The following PTPRK variants were observed in gnomAD, a reference collection of about 807,000 sequenced individuals.
PTPRK encodes protein tyrosine phosphatase receptor type K, also known as receptor-type tyrosine-protein phosphatase kappa.
In PTPRK, 75 loss-of-function variants were observed where a neutral mutation model predicts 178.0. That is an observed-to-expected ratio of 0.42 (90% CI 0.35 to 0.51). The LOEUF is 0.51. Among genes scored for constraint, PTPRK ranks in the 20% least tolerant of loss-of-function variants. The probability of loss-of-function intolerance (pLI) is 0.02; values close to 1 mark genes in which losing one functional copy is unlikely to be tolerated. For synonymous variants in PTPRK, 637 were observed against 620.6 expected (o/e 1.03, Z -0.39); for missense variants, 1,441 against 1,797.8 (o/e 0.80, Z 3.59).
intron 2 of PTPRK, among the ~76,000 whole-genome samples, chr6:128,360,704 A>C (rs749866413): frequency 2.6e-5 from 4 of 152,162 alleles, no homozygotes; most frequent in Non-Finnish European, 5.9e-5. Flanking sequence ...ATGAGCATCA[A>C]TTAAACTTTT....
At chr6:128,452,257 G>T (rs1207570005) in intron 1 of PTPRK, among the ~76,000 whole-genome samples, 1 of 151,946 alleles carries the variant, frequency 6.6e-6, no homozygotes, top group South Asian at 2.1e-4. Flanking sequence ...GCATATAAAA[G>T]GTCACCCTCC....
At chr6:128,092,530 C>T (rs533777862) in intron 7 of PTPRK, among the ~76,000 whole-genome samples, 1 of 152,104 alleles carries the variant, frequency 6.6e-6, no homozygotes, top group Non-Finnish European at 1.5e-5. Flanking sequence ...TATAGATACA[C>T]ACATATACAT....
At chr6:128,480,120 T>C (rs537207078) in intron 1 of PTPRK, among the ~76,000 whole-genome samples, 2 of 152,300 alleles carry the variant, frequency 1.3e-5, no homozygotes, top group African/African-American at 2.4e-5. Flanking sequence ...AATGTTCTTT[T>C]TTCTGATTCC....
At chr6:128,489,494 C>A (rs1391858490) in intron 1 of PTPRK, among the ~76,000 whole-genome samples, 2 of 152,144 alleles carry the variant, frequency 1.3e-5, no homozygotes, top group East Asian at 1.9e-4. Context: ...ATCATGATAA[C>A]TAAAGTGATA....
At position 128,459,020 on chromosome 6, in the gene PTPRK, A is replaced by T. The variant is rs943698618; in HGVS notation, c.100+61239T>A. Among the ~76,000 whole-genome samples the T allele has an allele frequency of 7.2e-5, 11 of 152,276 alleles. No homozygotes were observed. The South Asian group carries it at 2.3e-3, about 32-fold the overall frequency. On this transcript the variant is annotated intron_variant, in intron 1 of 29. Transcript: ENST00000368226. ...TAAAAAGCCATCCTCATGGCTTGAAAATTGGAATGTTTAAATATGAGCAGT... is the reference window on the plus strand; with the variant it reads ...TAAAAAGCCATCCTCATGGCTTGAATATTGGAATGTTTAAATATGAGCAGT...
At chr6:128,009,088 A>G in intron 14 of PTPRK, 42 bp downstream of exon 14, 1 of 1,521,348 alleles carries the variant, frequency 6.6e-7, no homozygotes, top group Non-Finnish European at 8.9e-7. Context: ...AACCAGTGAC[A>G]TAAATGGTAA....
At chr6:128,105,130 C>CTTTTTTTTTT (rs1382748903) in intron 7 of PTPRK, among the ~76,000 whole-genome samples, 2 of 140,758 alleles carry the variant, frequency 1.4e-5, no homozygotes, top group African/African-American at 5.2e-5. Flanking sequence ...TCACTTATTT[C>CTTTTTTTTTT]TTTTTTTTTT....
At chr6:128,218,468 C>A (rs1433315936) in intron 6 of PTPRK, among the ~76,000 whole-genome samples, 1 of 152,154 alleles carries the variant, frequency 6.6e-6, no homozygotes, top group Non-Finnish European at 1.5e-5. Context: ...AAGAGACATG[C>A]ATCAGTGAAA....
At chr6:128,371,431 C>T (rs775787072) in intron 2 of PTPRK, among the ~76,000 whole-genome samples, 123 of 152,190 alleles carry the variant, frequency 8.1e-4, no homozygotes, top group Non-Finnish European at 2.8e-4. Context: ...ATTTTGACTA[C>T]AGTTTCAATG....
At chr6:128,083,218 G>A (rs1004219299) in intron 9 of PTPRK, among the ~76,000 whole-genome samples, 1 of 151,788 alleles carries the variant, frequency 6.6e-6, no homozygotes, top group African/African-American at 2.4e-5. Flanking sequence ...TTCTTTTTTA[G>A]TTTCTCATAT....
chr6:128,383,680 C>A (rs1584462590), intron 2 of PTPRK, among the ~76,000 whole-genome samples: 1 of 152,194 alleles, frequency 6.6e-6, no homozygotes, highest in South Asian at 2.1e-4. Context: ...GGTCTATGTG[C>A]CAAACACAGT....
intron 5 of PTPRK, among the ~76,000 whole-genome samples, chr6:128,233,664 G>A (rs922952249): frequency 2.6e-5 from 4 of 152,156 alleles, no homozygotes; most frequent in African/African-American, 4.8e-5. Context: ...AGGGCGAAGC[G>A]GTGGCTGACT....
At chr6:128,308,130 T>A (rs1237093697) in intron 3 of PTPRK, among the ~76,000 whole-genome samples, 1 of 149,858 alleles carries the variant, frequency 6.7e-6, no homozygotes, top group Non-Finnish European at 1.5e-5. Context: ...GGATATTGAC[T>A]GGGAAAAAAA....
chr6:128,487,801 C>CTTGT (rs1424841058), intron 1 of PTPRK, among the ~76,000 whole-genome samples: 2 of 152,136 alleles, frequency 1.3e-5, no homozygotes, highest in Non-Finnish European at 2.9e-5. Flanking sequence ...ATGCTTTTCT[C>CTTGT]TTGTTAACCT....
intron 8 of PTPRK, among the ~76,000 whole-genome samples, chr6:128,086,899 A>T (rs962165024): frequency 1.3e-5 from 2 of 152,126 alleles, no homozygotes; most frequent in Non-Finnish European, 2.9e-5. Context: ...TATAATTAAA[A>T]CTGGAAAAAT....
intron 3 of PTPRK, among the ~76,000 whole-genome samples, chr6:128,307,196 CACACACACATAG>C (rs2128314414): frequency 6.7e-6 from 1 of 149,490 alleles, no homozygotes; most frequent in African/African-American, 2.5e-5. Context: ...TACATACACA[CACACACACATAG>C]ACACACACAT....
intron 2 of PTPRK, among the ~76,000 whole-genome samples, chr6:128,385,624 T>G (rs934325300): frequency 6.6e-6 from 1 of 152,238 alleles, no homozygotes; most frequent in African/African-American, 2.4e-5. Flanking sequence ...TTTTCTAGTG[T>G]GATACGGTTG....
At chr6:128,318,554 T>C (rs2128319462) in intron 3 of PTPRK, among the ~76,000 whole-genome samples, 1 of 152,294 alleles carries the variant, frequency 6.6e-6, no homozygotes, top group South Asian at 2.1e-4. Context: ...GACAAACCCC[T>C]GTAGTTTTCA....
chr6:128,016,636 T>C (rs1779623425), intron 13 of PTPRK, among the ~76,000 whole-genome samples: 2 of 149,972 alleles, frequency 1.3e-5, no homozygotes, highest in Non-Finnish European at 3.0e-5. Context: ...ATAACAGTTA[T>C]TAATTTTAAT....
Sources: allele counts gnomAD v4.1 joint callset (sites outside exome capture counted in the v4.1 genomes callset), GRCh38; gene constraint gnomAD v4.1.1; transcripts MANE v1.5; gene names NCBI Gene and HGNC (gene_info 2026-07-23, HGNC 2026-07-21).